TENM2: variants seen among roughly 807,000 people sequenced by gnomAD.
TENM2 encodes teneurin transmembrane protein 2.
A neutral mutation model predicts 245.2 loss-of-function variants in TENM2; 52 were observed. The ratio of observed to expected loss-of-function variants is 0.21; its 90% CI spans 0.17 to 0.27. The LOEUF is 0.27. Among genes scored for constraint, TENM2 ranks in the 10% least tolerant of loss-of-function variants. The pLI is 1.00. For synonymous variants in TENM2, 1,363 were observed against 1,438.9 expected (o/e 0.95, Z 1.19); for missense variants, 3,046 against 3,666.8 (o/e 0.83, Z 4.37).
chr5:167,345,798 A>G (rs1264823914), intron 1 of TENM2, among the ~76,000 whole-genome samples: 2 of 151,980 alleles, frequency 1.3e-5, no homozygotes, highest in African/African-American at 4.8e-5. Context: ...TGCTGACCCT[A>G]GAGAACTTCT....
intron 2 of TENM2, among the ~76,000 whole-genome samples, chr5:167,393,573 A>G (rs1761889879): frequency 6.6e-6 from 1 of 152,196 alleles, no homozygotes; most frequent in Non-Finnish European, 1.5e-5. Context: ...GCAGAATAGC[A>G]GGAAACCAGA....
chr5:167,193,474 C>T, the TENM2 span, among the ~76,000 whole-genome samples: 1 of 145,766 alleles, frequency 6.9e-6, no homozygotes, highest in African/African-American at 2.5e-5. Flanking sequence ...ATCTCTCCAT[C>T]ACATAGTTTG....
chr5:167,539,930 C>T (rs563692585), intron 2 of TENM2, among the ~76,000 whole-genome samples: 32 of 152,236 alleles, frequency 2.1e-4, no homozygotes, highest in African/African-American at 4.3e-4. Context: ...ACACATCAGA[C>T]GCTAATTAGC....
intron 2 of TENM2, among the ~76,000 whole-genome samples, chr5:167,867,773 G>A (rs893266743): frequency 2.0e-5 from 3 of 152,180 alleles, no homozygotes; most frequent in Admixed American, 6.5e-5. Context: ...AACATTCTCT[G>A]AATCTCCTGC....
chr5:167,238,318 A>G, the TENM2 span, among the ~76,000 whole-genome samples: 2 of 152,312 alleles, frequency 1.3e-5, no homozygotes, highest in Non-Finnish European at 2.9e-5. Context: ...GTAATGTATC[A>G]TACAATCAAT....
chr5:168,199,524 T>A (rs1437665983), intron 16 of TENM2, among the ~76,000 whole-genome samples: 1 of 152,226 alleles, frequency 6.6e-6, no homozygotes, highest in African/African-American at 2.4e-5. Flanking sequence ...TAGGTTCGTA[T>A]AATTACAGCC....
chr5:167,534,440 A>G (rs1164640587), intron 2 of TENM2, among the ~76,000 whole-genome samples: 1 of 152,232 alleles, frequency 6.6e-6, no homozygotes, highest in Non-Finnish European at 1.5e-5. Context: ...GCAAATAAAA[A>G]TACAGGAGAG....
intron 1 of TENM2, among the ~76,000 whole-genome samples, chr5:167,370,661 A>G (rs1260231037): frequency 6.6e-6 from 1 of 152,400 alleles, no homozygotes; most frequent in East Asian, 1.9e-4. Flanking sequence ...CATAGAGCAC[A>G]TACCTGAAAT....
intron 7 of TENM2, among the ~76,000 whole-genome samples, chr5:168,084,510 G>A (rs1325758802): frequency 1.3e-5 from 2 of 152,188 alleles, no homozygotes; most frequent in East Asian, 1.9e-4. Flanking sequence ...AGGTATTTCA[G>A]TTGGGTAGTC....
intron 1 of TENM2, among the ~76,000 whole-genome samples, chr5:167,353,500 G>GTTTTTTTTTTTTTT (rs59240930): frequency 3.8e-5 from 3 of 79,458 alleles, no homozygotes; most frequent in Non-Finnish European, 6.4e-5. Context: ...TGTTGTTGTT[G>GTTTTTTTTTTTTTT]TTTTTTTTTT....
At chr5:167,260,763 G>A in the TENM2 span, among the ~76,000 whole-genome samples, 27 of 152,286 alleles carry the variant, frequency 1.8e-4, no homozygotes, top group South Asian at 6.2e-4. Flanking sequence ...AGAGCAAAAC[G>A]TAAACACAGA....
intron 2 of TENM2, among the ~76,000 whole-genome samples, chr5:167,548,999 T>C (rs543748822): frequency 6.6e-6 from 1 of 152,362 alleles, no homozygotes; most frequent in South Asian, 2.1e-4. Flanking sequence ...TTAGTATCAA[T>C]AGCAGAATTC....
At chr5:168,079,684 T>C (rs1414579505) in intron 7 of TENM2, among the ~76,000 whole-genome samples, 3 of 152,238 alleles carry the variant, frequency 2.0e-5, no homozygotes, top group Non-Finnish European at 4.4e-5. Context: ...TCTATTGAGA[T>C]AATCATGTGG....
At chr5:167,414,775 C>T (rs1763081842) in intron 2 of TENM2, among the ~76,000 whole-genome samples, 1 of 152,114 alleles carries the variant, frequency 6.6e-6, no homozygotes, top group Non-Finnish European at 1.5e-5. Context: ...CGATTTCCAG[C>T]ACTCACACTG....
chr5:168,178,078 C>G (rs1208910087), intron 13 of TENM2, among the ~76,000 whole-genome samples: 1 of 152,280 alleles, frequency 6.6e-6, no homozygotes, highest in Non-Finnish European at 1.5e-5. Flanking sequence ...CCTACTAATC[C>G]TCTCCACTCT....
chr5:168,153,484 AG>A (rs1405236485), intron 12 of TENM2, among the ~76,000 whole-genome samples: 1 of 152,256 alleles, frequency 6.6e-6, no homozygotes, highest in African/African-American at 2.4e-5. Flanking sequence ...GGGCCAGCTG[AG>A]CACAAGGTGA....
chr5:168,204,524 C>T (rs779871412), exon 19 of TENM2: 6 of 1,614,046 alleles, frequency 3.7e-6, no homozygotes, highest in Non-Finnish European at 4.2e-6. Context: ...CCCAGTGGCT[C>T]TGGCTGTTGG....
chr5:167,588,800 A>C (rs1775681601), intron 2 of TENM2, among the ~76,000 whole-genome samples: 1 of 152,234 alleles, frequency 6.6e-6, no homozygotes, highest in Non-Finnish European at 1.5e-5. Flanking sequence ...CTGGTTACTC[A>C]ACAAGTGGAA....
chr5:167,111,951 A>G, the TENM2 span, among the ~76,000 whole-genome samples: 22 of 152,278 alleles, frequency 1.4e-4, no homozygotes, highest in East Asian at 3.9e-3. Flanking sequence ...ACTTGGCCAT[A>G]TGTTTGCATG....
Sources: allele counts gnomAD v4.1 joint callset (sites outside exome capture counted in the v4.1 genomes callset), GRCh38; gene constraint gnomAD v4.1.1; transcripts MANE v1.5; gene names NCBI Gene and HGNC (gene_info 2026-07-23, HGNC 2026-07-21).